KCNN2: variants seen among roughly 807,000 people sequenced by gnomAD.
KCNN2 encodes the protein potassium calcium-activated channel subfamily N member 2.
A neutral mutation model predicts 55.5 loss-of-function variants in KCNN2; 24 were observed. The ratio of observed to expected loss-of-function variants is 0.43; its 90% CI spans 0.31 to 0.61. KCNN2 has a LOEUF of 0.61. KCNN2 is among the 20% of genes least tolerant of loss of function. The pLI is 0.08. For missense variants in KCNN2, 754 were observed against 853.6 expected (o/e 0.88, Z 1.45); for synonymous variants, 431 against 336.1 (o/e 1.28, Z -3.09).
chr5:114,473,148 C>A lies in KCNN2; in HGVS notation c.1874C>A (p.Thr625Asn). The change falls in exon 5 of 8, where the codon ACT becomes AAT. Residue 625 changes from threonine to asparagine, a missense_variant. Thr to Asn is a moderately conservative substitution (Grantham distance 65). Around this residue, in one of 4 missense-constraint regions of KCNN2, gnomAD observed 86 missense variants for 233.0 expected, o/e 0.37. Transcript: ENST00000673685. ...CACGTGCACAATTTCATGATGGATA[C>A]TCAGCTGACTAAAAGAGTAAGTTAC... ...EKHVHNFMMDTQLTKRVKNAA... is the reference protein window; with the variant it reads ...EKHVHNFMMDNQLTKRVKNAA... 6.3e-7 allele frequency: 1 copy of A among 1,596,386 alleles called. No individual in the cohort carries two copies. Among genetic ancestry groups the A allele is most frequent in the Non-Finnish European group, 8.6e-7 (1 of 1,165,488 alleles).
intron 2 of KCNN2, among the ~76,000 whole-genome samples, chr5:114,338,578 C>G (rs1756963879): frequency 6.6e-6 from 1 of 152,212 alleles, no homozygotes; most frequent in Non-Finnish European, 1.5e-5. Context: ...TTCAGGTCTT[C>G]CTTCCTACGT....
At chr5:114,172,993 C>A (rs1753067930) in intron 1 of KCNN2, among the ~76,000 whole-genome samples, 1 of 151,910 alleles carries the variant, frequency 6.6e-6, no homozygotes, top group South Asian at 2.1e-4. Context: ...GGGTATTACT[C>A]CAGAAATCTT....
At chr5:114,177,733 T>G (rs74920890) in intron 1 of KCNN2, among the ~76,000 whole-genome samples, 2,512 of 152,210 alleles carry the variant, frequency 0.017, 62 homozygotes, top group African/African-American at 0.057. Flanking sequence ...AGAATAACTT[T>G]GAAAGTTAAA....
At chr5:114,420,452 T>C (rs1269823499) in intron 3 of KCNN2, among the ~76,000 whole-genome samples, 1 of 152,198 alleles carries the variant, frequency 6.6e-6, no homozygotes, top group African/African-American at 2.4e-5. Flanking sequence ...CAGGACTGCT[T>C]CTACCAAGTA....
intron 2 of KCNN2, among the ~76,000 whole-genome samples, chr5:114,346,054 T>C (rs559479287): frequency 4.6e-5 from 7 of 152,104 alleles, no homozygotes; most frequent in Non-Finnish European, 8.8e-5. Context: ...AATGTTGGGA[T>C]TACAGGCATG....
At chr5:114,419,924 G>T (rs1759425057) in intron 3 of KCNN2, among the ~76,000 whole-genome samples, 1 of 152,232 alleles carries the variant, frequency 6.6e-6, no homozygotes, top group African/African-American at 2.4e-5. Context: ...CTTGAGCCCA[G>T]GAGTTTGAGG....
In KCNN2 at chr5:114,170,799, C is replaced by T. The variant is rs960618031; in HGVS notation, c.-270-50681C>T. Among the ~76,000 whole-genome samples, 3 of 151,888 alleles carry T rather than the reference C, an allele frequency of 2.0e-5. No individual in the cohort carries two copies. The East Asian group carries it at 5.8e-4, about 29-fold the overall frequency. On this transcript the variant is annotated intron_variant, in intron 1 of 10. Transcript: ENST00000512097. ...TTTAAGCTTTATATATCTTTCAGTGCCCTAAACTACATTCTTGAATTCAGT... is the reference window on the plus strand; with the variant it reads ...TTTAAGCTTTATATATCTTTCAGTGTCCTAAACTACATTCTTGAATTCAGT...
At chr5:114,353,177 C>G (rs1401670619) in intron 2 of KCNN2, among the ~76,000 whole-genome samples, 8 of 150,948 alleles carry the variant, frequency 5.3e-5, no homozygotes, top group South Asian at 2.1e-4. Context: ...TTCTTAAAGT[C>G]CATTTTGGCT....
chr5:114,451,678 T>C (rs1045846289), intron 3 of KCNN2, among the ~76,000 whole-genome samples: 11 of 152,048 alleles, frequency 7.2e-5, no homozygotes, highest in South Asian at 4.1e-4. Flanking sequence ...GGGCGGATTA[T>C]GAGGTCAGGA....
chr5:114,447,878 T>A (rs1269873818), intron 3 of KCNN2, among the ~76,000 whole-genome samples: 1 of 152,226 alleles, frequency 6.6e-6, no homozygotes, highest in African/African-American at 2.4e-5. Flanking sequence ...TTTTTATCAT[T>A]TTAAATTCCA....
chr5:114,167,701 A>G (rs1752945016), intron 1 of KCNN2, among the ~76,000 whole-genome samples: 1 of 152,130 alleles, frequency 6.6e-6, no homozygotes, highest in African/African-American at 2.4e-5. Context: ...ATTGAAGTAG[A>G]TAAACCCAGA....
chr5:114,376,879 G>A (rs1252186244), intron 2 of KCNN2, among the ~76,000 whole-genome samples: 1 of 152,056 alleles, frequency 6.6e-6, no homozygotes, highest in Non-Finnish European at 1.5e-5. Context: ...AGGAAGCCGG[G>A]AATTGGAGAC....
chr5:114,378,558 A>T (rs1758011699), intron 2 of KCNN2, among the ~76,000 whole-genome samples: 1 of 152,114 alleles, frequency 6.6e-6, no homozygotes, highest in South Asian at 2.1e-4. Flanking sequence ...TCTGTGTAGG[A>T]GTTTGTACCC....
intron 1 of KCNN2, among the ~76,000 whole-genome samples, chr5:114,071,725 G>A (rs1750572933): frequency 6.6e-6 from 1 of 152,138 alleles, no homozygotes; most frequent in South Asian, 2.1e-4. Context: ...TTACATTATT[G>A]CAATTCTCTT....
At chr5:114,206,592 C>T (rs563439615) in intron 1 of KCNN2, among the ~76,000 whole-genome samples, 75 of 152,206 alleles carry the variant, frequency 4.9e-4, no homozygotes, top group Middle Eastern at 3.4e-3. Flanking sequence ...TGATCACTCT[C>T]GTTAGCCTTT....
chr5:114,476,163 A>G (rs952355594), intron 5 of KCNN2, among the ~76,000 whole-genome samples: 2 of 147,456 alleles, frequency 1.4e-5, no homozygotes. Flanking sequence ...CATTAGGTAT[A>G]TCTCCCAATG....
chr5:114,246,702 A>G (rs746233635), intron 2 of KCNN2, among the ~76,000 whole-genome samples: 5 of 152,140 alleles, frequency 3.3e-5, no homozygotes. Context: ...TAACTTTCAA[A>G]TGAATAACAC....
intron 2 of KCNN2, among the ~76,000 whole-genome samples, chr5:114,374,782 C>A (rs1757884239): frequency 6.6e-6 from 1 of 152,124 alleles, no homozygotes; most frequent in Non-Finnish European, 1.5e-5. Context: ...ATTATGTAGA[C>A]CATTCTAACA....
At chr5:114,285,062 C>T (rs1043528354) in intron 2 of KCNN2, among the ~76,000 whole-genome samples, 3 of 150,974 alleles carry the variant, frequency 2.0e-5, no homozygotes, top group African/African-American at 7.3e-5. Flanking sequence ...GCGGGCGGAT[C>T]ACGAGGTCAG....
Sources: allele counts gnomAD v4.1 joint callset (sites outside exome capture counted in the v4.1 genomes callset), GRCh38; gene constraint gnomAD v4.1.1; regional missense constraint gnomAD v4.1.1; transcripts MANE v1.5; gene names NCBI Gene and HGNC (gene_info 2026-07-23, HGNC 2026-07-21).